Variants in NOTCH3 observed in about 807,000 individuals in gnomAD.
The protein encoded by NOTCH3 is notch receptor 3.
NOTCH3 carries 86 observed loss-of-function variants against 213.3 expected under a neutral mutation model. The ratio of observed to expected loss-of-function variants is 0.40; its 90% confidence interval spans 0.34 to 0.48. The LOEUF (loss-of-function observed/expected upper bound fraction) is 0.48, where lower values mean the gene tolerates loss of function less well. NOTCH3 is among the 20% of genes least tolerant of loss of function. The probability of loss-of-function intolerance (pLI) is 0.57; values close to 1 mark genes in which losing one functional copy is unlikely to be tolerated. For missense variants in NOTCH3, 2,783 were observed against 3,272.6 expected (o/e 0.85, Z 3.65); for synonymous variants, 1,354 against 1,355.9 (o/e 1.00, Z 0.03).
At chr19:15,175,307 C>T (rs763226520) in intron 24 of NOTCH3, among the ~76,000 whole-genome samples, 6 of 126,304 alleles carry the variant, frequency 4.8e-5, no homozygotes, top group African/African-American at 1.2e-4. Flanking sequence ...CCAAGGTGTA[C>T]GGATAACCTG....
chr19:15,166,798 C>T (rs1402711888), intron 29 of NOTCH3, among the ~76,000 whole-genome samples: 14 of 152,158 alleles, frequency 9.2e-5, no homozygotes, highest in Admixed American at 8.5e-4. Flanking sequence ...ACTGACCTCC[C>T]CGCTCCACCA....
rs886054262 is a variant in NOTCH3, at chr19:15,200,952, G to C, written c.-47C>G. On this transcript the variant is annotated 5_prime_UTR_variant, in exon 1 of 33. Coordinates refer to ENST00000263388, the MANE Select transcript of NOTCH3 (RefSeq NM_000435.3). The stretch of plus-strand genomic sequence containing the variant: ...CCTCCTCCCTCCTTCCCTGGGCTCC[G>C]GGCGCGTCCCGGGCCAGCCTCCGCG... 2.2e-5 allele frequency: 5 copies of C among 232,484 alleles called. No individual in the cohort carries two copies. The East Asian group carries it at 5.4e-4, about 25-fold the overall frequency. The allele number at this position is 232,484 out of a possible 1,614,324, so 14.4% of individuals were successfully genotyped here. A position where few individuals can be genotyped will look rare whatever the true frequency, so the allele number is the denominator to read the frequency against.
chr19:15,174,455 T>C, intron 24 of NOTCH3, 55 bp from the exon 25 acceptor site: 1 of 1,322,440 alleles, frequency 7.6e-7, no homozygotes, highest in Non-Finnish European at 1.0e-6. Context: ...GAGGAGACAA[T>C]CCCCTTCCAT....
rs1271250026 is a variant in NOTCH3, at chr19:15,178,834, G to A, written c.3826C>T (p.His1276Tyr). Residue 1276 changes from histidine to tyrosine, a missense_variant, in exon 23 of 33, where the codon CAC becomes TAC. Transcript: ENST00000263388. Reference protein sequence around the residue: ...GPGGGLTFTCHCAQPFWGPRC... With the variant: ...GPGGGLTFTCYCAQPFWGPRC... ...CCACCCACACCTACCTGGGCACAGT[G>A]ACAGGTGAAGGTCAGCCCACCCCCA... is the stretch of plus-strand genomic sequence containing the variant. 3 of 1,595,860 alleles carry A rather than the reference G, an allele frequency of 1.9e-6. No homozygotes were observed. The highest frequency in any genetic ancestry group is 1.3e-5 in the African/African-American group (1 of 74,702).
rs1310065697 is a variant in NOTCH3 at position 15,160,812 on chromosome 19, G to T, written c.6816C>A (p.Ser2272Arg). The T allele has an allele frequency of 6.2e-7, 1 of 1,614,036 alleles. No homozygotes were observed. Among genetic ancestry groups the T allele is most frequent in the East Asian group, 2.2e-5 (1 of 44,852 alleles). Residue 2272 changes from serine (S) to arginine (R), a missense_variant, in exon 33 of 33, where the codon AGC becomes AGA. Ser to Arg is a moderately radical substitution (Grantham distance 110). Transcript: ENST00000263388. ...CCATGGCCCCAGTGGCAGTGGCTGG[G>T]CTAGGCGTGGATTCGGACCAGTCTG... ...SLSDWSESTP[S>R]PATATGAMAT...
intron 1 of NOTCH3, 79 bp from the exon 2 acceptor site, chr19:15,197,657 C>T: frequency 1.5e-6 from 2 of 1,300,176 alleles, no homozygotes; most frequent in Non-Finnish European, 1.1e-6. Context: ...CCCCTCCCTC[C>T]CTCCACCAGG....
chr19:15,200,243 G>T (rs2047001661), intron 1 of NOTCH3, among the ~76,000 whole-genome samples: 1 of 151,620 alleles, frequency 6.6e-6, no homozygotes. Context: ...CGCCGCCGAG[G>T]CTCCGGCTCG....
intron 28 of NOTCH3, among the ~76,000 whole-genome samples, chr19:15,168,366 A>C (rs2046702894): frequency 6.6e-6 from 1 of 152,180 alleles, no homozygotes; most frequent in African/African-American, 2.4e-5. Context: ...TCCATTTCAC[A>C]ACATTAAAAT....
At chr19:15,174,478 T>A in intron 24 of NOTCH3, 78 bp from the exon 25 acceptor site, 1 of 1,066,768 alleles carries the variant, frequency 9.4e-7, no homozygotes, top group Non-Finnish European at 1.3e-6. Context: ...ATTCACACCG[T>A]AGAGTACAGA....
chr19:15,168,913 G>C (rs1367019190), intron 28 of NOTCH3, among the ~76,000 whole-genome samples: 2 of 152,072 alleles, frequency 1.3e-5, no homozygotes, highest in Non-Finnish European at 2.9e-5. Flanking sequence ...GCCTGCATTT[G>C]AAGATAGGAC....
At chr19:15,180,547 C>A in intron 19 of NOTCH3, 134 bp downstream of exon 19, 2 of 1,089,816 alleles carry the variant, frequency 1.8e-6, no homozygotes, top group Non-Finnish European at 2.7e-6. Context: ...GCTCACACAC[C>A]CACACCACTC....
chr19:15,180,800 G>A lies in NOTCH3; in HGVS notation c.3023C>T (p.Pro1008Leu). 6.2e-7 allele frequency: 1 copy of A among 1,611,414 alleles called. No homozygotes were observed. Among genetic ancestry groups the A allele is most frequent in the South Asian group, 1.1e-5 (1 of 90,288 alleles). ...QTLVDWCSRQPCQNGGRCVQT... is the reference protein window; with the variant it reads ...QTLVDWCSRQLCQNGGRCVQT... ...GACGCAGCGACCCCCGTTTTGACAAGGCTGGCGGCTGCACCAATCCACCAG... is the reference window on the plus strand; with the variant it reads ...GACGCAGCGACCCCCGTTTTGACAAAGCTGGCGGCTGCACCAATCCACCAG... Residue 1008 changes from proline to leucine, a missense_variant, in exon 19 of 33, where the codon CCT becomes CTT. Physicochemically the swap from Pro to Leu is moderately conservative, Grantham distance 98. Coordinates refer to ENST00000263388, the MANE Select transcript of NOTCH3 (RefSeq NM_000435.3).
intron 24 of NOTCH3, among the ~76,000 whole-genome samples, chr19:15,175,735 TGAA>T (rs2046784894): frequency 1.3e-5 from 2 of 148,934 alleles, no homozygotes; most frequent in South Asian, 4.3e-4. Context: ...AGCAAAGACT[TGAA>T]GGAGGTGAGG....
At position 15,187,091 on chromosome 19, in the gene NOTCH3, G is replaced by T; in HGVS notation, c.1840+14C>A. 2 of 1,611,672 alleles carry T rather than the reference G, an allele frequency of 1.2e-6. No individual in the cohort carries two copies. The highest frequency in any genetic ancestry group is 1.7e-5 in the Admixed American group (1 of 59,698). On this transcript the variant is annotated intron_variant, in intron 11 of 32. Transcript: ENST00000263388. ...CTCCAGGTGTGCTGTTTCTGCCCCA[G>T]CCCCCGGTCCCACCTGTGGTCCCAG...
intron 2 of NOTCH3, among the ~76,000 whole-genome samples, chr19:15,192,918 G>A (rs4808238): frequency 0.22 from 32,965 of 151,692 alleles, 4,423 homozygotes; most frequent in African/African-American, 0.38. Context: ...CGGTCTCAAA[G>A]AAACAAAACA....
At position 15,192,045 on chromosome 19, in the gene NOTCH3, C is replaced by A; in HGVS notation, c.594G>T (p.Ala198=). 1 of 1,613,082 alleles carries A rather than the reference C, an allele frequency of 6.2e-7. No individual in the cohort carries two copies. Among genetic ancestry groups the A allele is most frequent in the Non-Finnish European group, 8.5e-7 (1 of 1,179,968 alleles). ...GGCATGGTGAGGGTGCACAGGGCAC[C>A]GCGGGGTTCTCACATAGTGGCCCTG... ...GYTGPLCENP[A]VPCAPSPCRN... The change falls in exon 4 of 33, where the codon GCG becomes GCT. Residue 198 remains alanine (A), a synonymous_variant. Transcript: ENST00000263388.
chr19:15,180,845 C>CA lies in NOTCH3; in HGVS notation c.2995-18dup. 1.2e-6 allele frequency: 2 copies of CA among 1,612,248 alleles called. No individual in the cohort carries two copies. The highest frequency in any genetic ancestry group is 1.7e-6 in the Non-Finnish European group (2 of 1,179,458). The stretch of plus-strand genomic sequence containing the variant: ...CACCAGCGTCTGGAGGGGAAGCACT[C>CA]AGAGTCAGTACTGTGGGGTGGGGGG... On this transcript the variant is annotated splice_polypyrimidine_tract_variant and intron_variant, in intron 18 of 32. Coordinates refer to ENST00000263388, the MANE Select transcript of NOTCH3 (RefSeq NM_000435.3).
Position 15,173,063 on chromosome 19 carries a change from T to TTCTTCCTCTTCC in NOTCH3, c.4736+1004_4736+1005insGGAAGAGGAAGA, listed in dbSNP as rs1341513367. On this transcript the variant is annotated intron_variant, in intron 25 of 32. Transcript: ENST00000263388. The stretch of plus-strand genomic sequence containing the variant: ...TCCCCCTCCCTCCTCCCTCTTCTTC[T>TTCTTCCTCTTCC]TCTTCTTCTTCTTCTTCTTCTTCTT... Among the ~76,000 whole-genome samples, 17 of 1,948 alleles carry TTCTTCCTCTTCC rather than the reference T, an allele frequency of 8.7e-3. 2 individuals carry two copies. The highest frequency in any genetic ancestry group is 0.022 in the South Asian group (1 of 46). 1.3% of individuals were successfully genotyped at this position (1,948 alleles called of 152,430 possible). A position where few individuals can be genotyped will look rare whatever the true frequency, so the allele number is the denominator to read the frequency against.
chr19:15,179,052 G>A lies in NOTCH3; in HGVS notation c.3691C>T (p.Arg1231Cys), dbSNP rs201680145. The change falls in exon 22 of 33, where the codon CGT (arginine) becomes TGT (cysteine). Residue 1231 changes from arginine (R) to cysteine (C), a missense_variant. Physicochemically the swap from Arg to Cys is radical, Grantham distance 180. Transcript: ENST00000263388. ...GAGAAGCCAGCATGACAAAGGCAAC[G>A]GAAACCTCCGCCTGGGTCCTGCAGG... is the stretch of plus-strand genomic sequence containing the variant. ...DCLQDPGGGF[R>C]CLCHAGFSGP... 4.8e-4 allele frequency: 772 copies of A among 1,614,208 alleles called. 3 individuals are homozygous for A. In the South Asian group the frequency reaches 4.9e-3, roughly 10 times the overall value.
Sources: gnomAD v4.1 joint callset for allele counts (sites outside exome capture counted in the v4.1 genomes callset) on GRCh38, gnomAD v4.1.1 for gene constraint, MANE v1.5 for transcripts, NCBI Gene and HGNC (gene_info 2026-07-23, HGNC 2026-07-21) for gene names.